The following FGF13 variants were observed in gnomAD, a reference collection of about 807,000 sequenced individuals.
FGF13 encodes fibroblast growth factor 13, also known as fibroblast growth factor homologous factor 2.
In FGF13, 2 loss-of-function variants were observed where a neutral mutation model predicts 19.5. The observed-to-expected ratio is 0.10, with a 90% CI of 0.04 to 0.32. FGF13 has a LOEUF of 0.32. FGF13 is among the 10% of genes least tolerant of loss of function. The probability of loss-of-function intolerance (pLI) is 1.00; values close to 1 mark genes in which losing one functional copy is unlikely to be tolerated. For synonymous variants in FGF13, 72 were observed against 76.9 expected, an observed-to-expected ratio of 0.94 and a Z score of 0.33; for missense variants, 113 against 192.7, an observed-to-expected ratio of 0.59 and a Z score of 2.45.
chrX:138,834,322 C>T (rs1490358337), intron 3 of FGF13, among the ~76,000 whole-genome samples: 5 of 111,382 alleles, frequency 4.5e-5, no homozygotes, highest in Non-Finnish European at 9.4e-5. Context: ...GCCTCAATTT[C>T]GGAACCTGCT....
At chrX:138,824,854 A>C (rs1297678489) in intron 3 of FGF13, among the ~76,000 whole-genome samples, 1 of 111,689 alleles carries the variant, frequency 9.0e-6, no homozygotes, top group Non-Finnish European at 1.9e-5. Flanking sequence ...GAAAAGGAAC[A>C]ATGTCTTTCT....
At chrX:138,761,162 G>T (rs2090463660) in intron 3 of FGF13, among the ~76,000 whole-genome samples, 1 of 111,807 alleles carries the variant, frequency 8.9e-6, no homozygotes, top group Non-Finnish European at 1.9e-5. Flanking sequence ...GTGCCTGAAA[G>T]AACTTCAGGG....
At chrX:138,836,551 C>A (rs1222836941) in intron 3 of FGF13, among the ~76,000 whole-genome samples, 3 of 111,717 alleles carry the variant, frequency 2.7e-5, no homozygotes, top group Non-Finnish European at 3.8e-5. Flanking sequence ...TGGTTATGTT[C>A]TTCTCTATAC....
intron 3 of FGF13, among the ~76,000 whole-genome samples, chrX:138,775,597 C>T (rs1023598022): frequency 2.7e-5 from 3 of 111,944 alleles, no homozygotes; most frequent in African/African-American, 9.8e-5. Flanking sequence ...AAGTAATTTT[C>T]AAGCATTTCT....
intron 1 of FGF13, among the ~76,000 whole-genome samples, chrX:138,736,973 G>C (rs2090280288): frequency 9.0e-6 from 1 of 111,220 alleles, no homozygotes; most frequent in African/African-American, 3.3e-5. Flanking sequence ...AAATGGGTGA[G>C]CTAAATAAGG....
intron 1 of FGF13, among the ~76,000 whole-genome samples, chrX:139,143,561 C>T (rs1300731269): frequency 8.9e-6 from 1 of 112,319 alleles, no homozygotes; most frequent in African/African-American, 3.2e-5. Context: ...TACTTCAGTA[C>T]ACTCTGTGTT....
intron 1 of FGF13, among the ~76,000 whole-genome samples, chrX:139,150,397 C>T (rs762943016): frequency 8.9e-6 from 1 of 112,331 alleles, no homozygotes; most frequent in Admixed American, 9.4e-5. Context: ...TAAAACTTTT[C>T]AAATTAAAAC....
intron 1 of FGF13, among the ~76,000 whole-genome samples, chrX:138,962,570 C>T (rs2091877150): frequency 8.9e-6 from 1 of 112,111 alleles, no homozygotes; most frequent in African/African-American, 3.2e-5. Flanking sequence ...GCACTATTCA[C>T]AATAGCAAAG....
chrX:138,698,678 G>A (rs1057362856), intron 3 of FGF13, among the ~76,000 whole-genome samples: 22 of 111,535 alleles, frequency 2.0e-4, no homozygotes, highest in Non-Finnish European at 3.0e-4. Context: ...GATATAATTG[G>A]TCCAAATGTA....
chrX:139,193,042 G>A (rs1006496834), intron 1 of FGF13, among the ~76,000 whole-genome samples: 7 of 111,511 alleles, frequency 6.3e-5, no homozygotes, highest in Non-Finnish European at 1.3e-4. Context: ...ATTAACAGAT[G>A]AATTAATTTA....
intron 3 of FGF13, among the ~76,000 whole-genome samples, chrX:138,754,992 T>C (rs1471038554): frequency 1.8e-5 from 2 of 111,956 alleles, no homozygotes; most frequent in African/African-American, 6.5e-5. Context: ...AATTTTGCTG[T>C]GTGTCCTATT....
chrX:138,985,447 C>A (rs936244800), intron 1 of FGF13, among the ~76,000 whole-genome samples: 2 of 111,913 alleles, frequency 1.8e-5, no homozygotes, highest in Non-Finnish European at 3.8e-5. Flanking sequence ...TCTCCTGTGA[C>A]AACACCTCTT....
chrX:139,033,806 G>A (rs1321156407), intron 1 of FGF13, among the ~76,000 whole-genome samples: 1 of 111,905 alleles, frequency 8.9e-6, no homozygotes, highest in Non-Finnish European at 1.9e-5. Flanking sequence ...AAGCATTCAA[G>A]CTACCAACTA....
intron 1 of FGF13, among the ~76,000 whole-genome samples, chrX:138,949,709 T>C (rs1237276367): frequency 9.0e-6 from 1 of 111,492 alleles, no homozygotes; most frequent in Non-Finnish European, 1.9e-5. Flanking sequence ...ACAGAATAAA[T>C]GGAACAGCAT....
At chrX:138,893,248 T>C (rs2091486510) in intron 1 of FGF13, among the ~76,000 whole-genome samples, 1 of 111,574 alleles carries the variant, frequency 9.0e-6, no homozygotes, top group Non-Finnish European at 1.9e-5. Flanking sequence ...ACCCAGATCC[T>C]TTGCTTTTTG....
Position 138,616,881 on chromosome X carries a change from A to G in FGF13, c.*15969T>C, listed in dbSNP as rs976383558. 2 of 112,075 alleles carry G rather than the reference A, an allele frequency of 1.8e-5. No individual in the cohort carries two copies. The highest frequency in any genetic ancestry group is 5.6e-4 in the East Asian group (2 of 3,548). The allele number at this position is 112,075 out of a possible 1,213,427, so 9.2% of individuals were successfully genotyped here. Reference sequence around the variant, plus strand: ...TCTCTGAAACAATGGCCTGAGCTGTATGTTGGCCCCTTTTAGCCACAGCTG... The same window carrying G: ...TCTCTGAAACAATGGCCTGAGCTGTGTGTTGGCCCCTTTTAGCCACAGCTG... On this transcript the variant is annotated 3_prime_UTR_variant, in exon 5 of 5. Coordinates refer to ENST00000315930, the MANE Select transcript of FGF13 (RefSeq NM_004114.5).
At chrX:138,962,228 A>G (rs1361871394) in intron 1 of FGF13, among the ~76,000 whole-genome samples, 2 of 112,592 alleles carry the variant, frequency 1.8e-5, no homozygotes, top group Non-Finnish European at 3.7e-5. Context: ...TATGCAGCCA[A>G]CAGACACATG....
At chrX:139,171,615 T>A (rs1181039362) in intron 1 of FGF13, among the ~76,000 whole-genome samples, 1 of 111,628 alleles carries the variant, frequency 9.0e-6, no homozygotes, top group African/African-American at 3.2e-5. Flanking sequence ...GTAATGACTT[T>A]CATTTTGTAA....
At chrX:139,086,293 C>A (rs1003659933) in intron 1 of FGF13, among the ~76,000 whole-genome samples, 1 of 110,966 alleles carries the variant, frequency 9.0e-6, no homozygotes, top group African/African-American at 3.3e-5. Flanking sequence ...TACCTACTGC[C>A]CCCCAAACAT....
Sources: gnomAD v4.1 joint callset for allele counts (sites outside exome capture counted in the v4.1 genomes callset) on GRCh38, gnomAD v4.1.1 for gene constraint, MANE v1.5 for transcripts, NCBI Gene and HGNC (gene_info 2026-07-23, HGNC 2026-07-21) for gene names.